HRH4: variants seen among roughly 807,000 people sequenced by gnomAD.
HRH4 encodes histamine H4 receptor.
In HRH4, 12 loss-of-function variants were observed where a neutral mutation model predicts 10.4. That is an observed-to-expected ratio of 1.15 (90% CI 0.74 to 1.87). The LOEUF (loss-of-function observed/expected upper bound fraction) is 1.87. Among genes scored for constraint, HRH4 ranks in the 40% most tolerant of loss-of-function variants. HRH4 has a pLI of 0.00. For missense variants in HRH4, 415 were observed against 453.3 expected (o/e 0.92, Z 0.77); for synonymous variants, 154 against 166.6 (o/e 0.92, Z 0.58).
rs1910203998 is a variant in HRH4, at chr18:24,478,326, G to A, written c.*764G>A. 6.6e-6 allele frequency: 1 copy of A among 152,230 alleles called. No individual in the cohort carries two copies. Among genetic ancestry groups the A allele is most frequent in the South Asian group, 2.1e-4 (1 of 4,834 alleles). 9.4% of individuals were successfully genotyped at this position (152,230 alleles called of 1,614,324 possible). On this transcript the variant is annotated 3_prime_UTR_variant, in exon 3 of 3. Transcript: ENST00000256906. ...GAAGAAGGCTAAGAGATGGTGAAGA[G>A]ACTGCATGATTAAACTAGATAGACC... is the stretch of plus-strand genomic sequence containing the variant.
chr18:24,475,880 T>C (rs1328826968), intron 2 of HRH4, among the ~76,000 whole-genome samples: 1 of 152,038 alleles, frequency 6.6e-6, no homozygotes, highest in Non-Finnish European at 1.5e-5. Context: ...TGGTGGTGGG[T>C]ATCTGTAATC....
At chr18:24,466,548 A>G (rs965467776) in intron 1 of HRH4, among the ~76,000 whole-genome samples, 4 of 152,172 alleles carry the variant, frequency 2.6e-5, no homozygotes, top group African/African-American at 9.7e-5. Context: ...TAAACTACAT[A>G]TAAGAACTGA....
At chr18:24,470,958 TCA>T (rs1350450941) in intron 2 of HRH4, among the ~76,000 whole-genome samples, 1 of 149,354 alleles carries the variant, frequency 6.7e-6, no homozygotes, top group Non-Finnish European at 1.5e-5. Context: ...TAGTGCAGAA[TCA>T]CACAGTCATT....
At position 24,468,854 on chromosome 18, in the gene HRH4, G is replaced by A. The variant is rs1909853013; in HGVS notation, c.260G>A (p.Cys87Tyr). Residue 87 changes from cysteine (C) to tyrosine (Y), a missense_variant, in exon 2 of 3, where the codon TGT becomes TAT. Coordinates refer to ENST00000256906, the MANE Select transcript of HRH4 (RefSeq NM_021624.4). The part of the protein sequence containing the change: ...LFEWDFGKEI[C>Y]VFWLTTDYLL... ...GAATGGGATTTTGGAAAGGAAATCT[G>A]TGTATTTTGGCTCACTACTGACTAT... 6.2e-7 allele frequency: 1 copy of A among 1,613,892 alleles called. No homozygotes were observed. The highest frequency in any genetic ancestry group is 1.7e-5 in the Admixed American group (1 of 59,988).
intron 1 of HRH4, among the ~76,000 whole-genome samples, chr18:24,465,080 A>G (rs1332339254): frequency 2.0e-5 from 3 of 152,048 alleles, no homozygotes; most frequent in Non-Finnish European, 4.4e-5. Context: ...TGAGGCCAGG[A>G]GTTCGAGACC....
intron 2 of HRH4, among the ~76,000 whole-genome samples, chr18:24,473,649 C>T (rs1298982362): frequency 6.6e-6 from 1 of 152,196 alleles, no homozygotes; most frequent in Non-Finnish European, 1.5e-5. Context: ...AACTGGATTA[C>T]ATCTGCAAAC....
chr18:24,467,448 T>C (rs933380066), intron 1 of HRH4, among the ~76,000 whole-genome samples: 1 of 152,204 alleles, frequency 6.6e-6, no homozygotes, highest in African/African-American at 2.4e-5. Flanking sequence ...GAGGGGTCAC[T>C]TCCACTGAGG....
rs1300526534 is a variant in HRH4 at position 24,479,947 on chromosome 18, T to G, written c.*2385T>G. 6.6e-6 allele frequency: 1 copy of G among 152,118 alleles called. No homozygotes were observed. Among genetic ancestry groups the G allele is most frequent in the Non-Finnish European group, 1.5e-5 (1 of 68,026 alleles). 9.4% of individuals were successfully genotyped at this position (152,118 alleles called of 1,614,324 possible). On this transcript the variant is annotated 3_prime_UTR_variant, in exon 3 of 3. Coordinates refer to ENST00000256906, the MANE Select transcript of HRH4 (RefSeq NM_021624.4). Reference sequence around the variant, plus strand: ...TTTTAAAAATTTGAGAAATAAACTCTCATAAATGCACACATTTTTATAAAC... The same window carrying G: ...TTTTAAAAATTTGAGAAATAAACTCGCATAAATGCACACATTTTTATAAAC...
At chr18:24,465,371 C>T (rs1040097783) in intron 1 of HRH4, among the ~76,000 whole-genome samples, 2 of 152,062 alleles carry the variant, frequency 1.3e-5, no homozygotes, top group African/African-American at 2.4e-5. Flanking sequence ...CGCCAAGGAA[C>T]AGCAGGTGCG....
intron 2 of HRH4, among the ~76,000 whole-genome samples, chr18:24,473,142 A>G (rs504643): frequency 0.23 from 35,557 of 151,898 alleles, 4,369 homozygotes; most frequent in Middle Eastern, 0.33. Context: ...GCGACAGAGC[A>G]AGACTCTGTC....
At chr18:24,465,640 G>A (rs1189116401) in intron 1 of HRH4, among the ~76,000 whole-genome samples, 2 of 151,990 alleles carry the variant, frequency 1.3e-5, no homozygotes, top group East Asian at 1.9e-4. Flanking sequence ...TTCAGATTCC[G>A]TTTTTTTGCA....
At chr18:24,468,674 C>T in intron 1 of HRH4, 114 bp from the exon 2 acceptor site, 1 of 983,940 alleles carries the variant, frequency 1.0e-6, no homozygotes, top group Admixed American at 2.8e-5. Context: ...AAATTAGAGA[C>T]AAATCATTTG....
At chr18:24,461,738 G>C (rs1290834881) in intron 1 of HRH4, among the ~76,000 whole-genome samples, 1 of 150,346 alleles carries the variant, frequency 6.7e-6, no homozygotes, top group Non-Finnish European at 1.5e-5. Flanking sequence ...CTGGAATACA[G>C]TTGTTACTCA....
chr18:24,461,319 T>C (rs1446314368), intron 1 of HRH4, among the ~76,000 whole-genome samples: 1 of 152,144 alleles, frequency 6.6e-6, no homozygotes, highest in Admixed American at 6.5e-5. Flanking sequence ...ATGTATATGC[T>C]AGTAACCAGT....
rs1298538078 is a variant in HRH4 at position 24,477,852 on chromosome 18, AATAC to A, written c.*292_*295del. ...TGTTTTCTTTCTATGTTCCATGCAT[AATAC>A]AGTCTTAAGTGAATTTCTCTTTTTT... is the stretch of plus-strand genomic sequence containing the variant. On this transcript the variant is annotated 3_prime_UTR_variant, in exon 3 of 3. Coordinates refer to ENST00000256906, the MANE Select transcript of HRH4 (RefSeq NM_021624.4). The A allele has an allele frequency of 3.7e-6, 1 of 271,486 alleles. No homozygotes were observed. The highest frequency in any genetic ancestry group is 6.9e-6 in the Non-Finnish European group (1 of 145,148). The allele number at this position is 271,486 out of a possible 1,614,324, so 16.8% of individuals were successfully genotyped here. A position where few individuals can be genotyped will look rare whatever the true frequency, so the allele number is the denominator to read the frequency against.
Position 24,460,799 on chromosome 18 carries a change from T to A in HRH4, c.71T>A (p.Leu24Ter), listed in dbSNP as rs1259376259. Residue 24 changes from leucine (L) to a stop codon, truncating the protein, a stop_gained, in exon 1 of 3, where the codon TTA (leucine) becomes TAA (stop). Transcript: ENST00000256906. LOFTEE classifies it high-confidence loss of function. ...TRVTLAFFMS[L>*]VAFAIMLGNA... The stretch of plus-strand genomic sequence containing the variant: ...GTTACTTTAGCATTTTTTATGTCCT[T>A]AGTAGCTTTTGCTATAATGCTAGGA... 3 of 1,585,454 alleles carry A rather than the reference T, an allele frequency of 1.9e-6. No homozygotes were observed. The highest frequency in any genetic ancestry group is 2.6e-6 in the Non-Finnish European group (3 of 1,159,374).
rs1288276936 is a variant in HRH4 at position 24,479,204 on chromosome 18, G to A, written c.*1642G>A. The stretch of plus-strand genomic sequence containing the variant: ...GGCCAGACTGGTCTCAAACTCCTGG[G>A]CTGAAACAATCCTCCCGCCTTGGCC... On this transcript the variant is annotated 3_prime_UTR_variant, in exon 3 of 3. Transcript: ENST00000256906. 1.3e-5 allele frequency: 2 copies of A among 151,946 alleles called. No individual in the cohort carries two copies. The highest frequency in any genetic ancestry group is 2.9e-5 in the Non-Finnish European group (2 of 68,016). The allele number at this position is 151,946 out of a possible 1,614,324, so 9.4% of individuals were successfully genotyped here.
In HRH4 at chr18:24,478,375, A is replaced by G. The variant is rs2144387911; in HGVS notation, c.*813A>G. On this transcript the variant is annotated 3_prime_UTR_variant, in exon 3 of 3. Transcript: ENST00000256906. Reference sequence around the variant, plus strand: ...CCTGGTATACAGTCACTGAACTAGTAGATGTCAATAATTATTATTTTTAAA... The same window carrying G: ...CCTGGTATACAGTCACTGAACTAGTGGATGTCAATAATTATTATTTTTAAA... 6.6e-6 allele frequency: 1 copy of G among 152,370 alleles called. No homozygotes were observed. The highest frequency in any genetic ancestry group is 6.5e-5 in the Admixed American group (1 of 15,298). 9.4% of individuals were successfully genotyped at this position (152,370 alleles called of 1,614,324 possible).
At chr18:24,468,733 C>T in intron 1 of HRH4, 55 bp from the exon 2 acceptor site, 1 of 1,468,080 alleles carries the variant, frequency 6.8e-7, no homozygotes, top group Non-Finnish European at 9.3e-7. Context: ...AAAACATGCA[C>T]ATTTGTGTTC....
Sources: gnomAD v4.1 joint callset for allele counts (sites outside exome capture counted in the v4.1 genomes callset) on GRCh38, gnomAD v4.1.1 for gene constraint, MANE v1.5 for transcripts, NCBI Gene and HGNC (gene_info 2026-07-23, HGNC 2026-07-21) for gene names.